Variants in DBF4 observed in about 807,000 individuals in gnomAD.
The protein encoded by DBF4 is DBF4-CDC7 kinase regulatory subunit, also known as protein DBF4 homolog A.
DBF4 carries 25 observed loss-of-function variants against 76.6 expected under a neutral mutation model. That is an observed-to-expected ratio of 0.33 (90% CI 0.24 to 0.46). The LOEUF is 0.46. Among genes scored for constraint, DBF4 ranks in the 20% least tolerant of loss-of-function variants. DBF4 has a pLI of 1.00. For missense variants in DBF4, 638 were observed against 760.8 expected, an observed-to-expected ratio of 0.84 and a Z score of 1.90; for synonymous variants, 213 against 258.0, an observed-to-expected ratio of 0.83 and a Z score of 1.67.
chr7:87,882,558 T>G (rs1363510190), intron 2 of DBF4, among the ~76,000 whole-genome samples: 2 of 152,220 alleles, frequency 1.3e-5, no homozygotes, highest in Non-Finnish European at 2.9e-5. Context: ...CTTTGCAAAT[T>G]GTACATCTGC....
chr7:87,903,201 G>T (rs1242974193), intron 10 of DBF4, among the ~76,000 whole-genome samples: 1 of 152,214 alleles, frequency 6.6e-6, no homozygotes, highest in Non-Finnish European at 1.5e-5. Flanking sequence ...TACTGCCTCA[G>T]CCTCTCTGGT....
chr7:87,892,625 A>G (rs1407103930), intron 6 of DBF4, among the ~76,000 whole-genome samples: 3 of 152,234 alleles, frequency 2.0e-5, no homozygotes, highest in Non-Finnish European at 4.4e-5. Context: ...TGCTTCACAT[A>G]GTAAGACTAG....
chr7:87,893,923 T>G (rs1839560114), intron 6 of DBF4, among the ~76,000 whole-genome samples: 2 of 152,198 alleles, frequency 1.3e-5, no homozygotes, highest in African/African-American at 4.8e-5. Flanking sequence ...TCTGCCAGCT[T>G]TTTAACTCTC....
rs1397125493 is a variant in DBF4, at chr7:87,893,308, C to G, written c.598-3166C>G. Among the ~76,000 whole-genome samples the G allele has an allele frequency of 2.7e-5, 4 of 149,684 alleles. No individual in the cohort carries two copies. In the East Asian group the frequency reaches 7.8e-4, roughly 29 times the overall value. On this transcript the variant is annotated intron_variant, in intron 6 of 11. Coordinates refer to ENST00000265728, the MANE Select transcript of DBF4 (RefSeq NM_006716.4). Reference sequence around the variant, plus strand: ...GGCCGGACTGTGGACTGCAGTGGCGCAATCTCGGCTCACTGCAAGCTCCGC... The same window carrying G: ...GGCCGGACTGTGGACTGCAGTGGCGGAATCTCGGCTCACTGCAAGCTCCGC...
chr7:87,878,886 C>T (rs970757621), intron 2 of DBF4, among the ~76,000 whole-genome samples: 4 of 152,158 alleles, frequency 2.6e-5, no homozygotes, highest in African/African-American at 7.2e-5. Context: ...TGAAGGTCTG[C>T]GTCTTTGAAT....
chr7:87,886,810 C>A, intron 3 of DBF4, 34 bp from the exon 4 acceptor site: 1 of 1,255,900 alleles, frequency 8.0e-7, no homozygotes, highest in Non-Finnish European at 1.2e-6. Context: ...TCCAGTTAAG[C>A]ACTATGTTTT....
intron 6 of DBF4, among the ~76,000 whole-genome samples, chr7:87,894,454 A>G (rs1246568127): frequency 6.6e-6 from 1 of 151,956 alleles, no homozygotes; most frequent in Admixed American, 6.6e-5. Context: ...TGTCTCGGGG[A>G]AAAAAAAGAA....
chr7:87,907,311 A>G lies in DBF4; in HGVS notation c.1173A>G (p.Thr391=), dbSNP rs1226525353. ...SQKDCQEDDT[T]VKEQNFLYKE... ...AAGATTGCCAGGAAGATGATACAAC[A>G]GTGAAGGAGCAGAATTTCCTGTATA... The change falls in exon 12 of 12, where the codon ACA becomes ACG. Residue 391 remains threonine, a synonymous_variant. Transcript: ENST00000265728. 7.4e-6 allele frequency: 12 copies of G among 1,614,094 alleles called. No individual in the cohort carries two copies. The highest frequency in any genetic ancestry group is 9.3e-6 in the Non-Finnish European group (11 of 1,179,956).
Position 87,907,600 on chromosome 7 carries a change from G to T in DBF4, c.1462G>T (p.Ala488Ser). 1 of 1,613,896 alleles carries T rather than the reference G, an allele frequency of 6.2e-7. No homozygotes were observed. Among genetic ancestry groups the T allele is most frequent in the Non-Finnish European group, 8.5e-7 (1 of 1,179,908 alleles). Residue 488 changes from alanine (A) to serine (S), a missense_variant, in exon 12 of 12, where the codon GCA (alanine) becomes TCA (serine). Transcript: ENST00000265728. ...AGATCACTATAAATGTAACATACAGGCATCTGTACATGTTTCTGATTTCAG... is the reference window on the plus strand; with the variant it reads ...AGATCACTATAAATGTAACATACAGTCATCTGTACATGTTTCTGATTTCAG... The part of the protein sequence containing the change: ...RVDHYKCNIQ[A>S]SVHVSDFSTD...
rs1839763247 is a variant in DBF4 at position 87,900,750 on chromosome 7, A to C, written c.810-14A>C. On this transcript the variant is annotated splice_polypyrimidine_tract_variant and intron_variant, in intron 9 of 11. Coordinates refer to ENST00000265728, the MANE Select transcript of DBF4 (RefSeq NM_006716.4). Reference sequence around the variant, plus strand: ...TTCAGCAGTTAATTCTTTACCATGTATGTCTGTCATCAGAATCCAAACAGA... The same window carrying C: ...TTCAGCAGTTAATTCTTTACCATGTCTGTCTGTCATCAGAATCCAAACAGA... The C allele has an allele frequency of 3.1e-6, 5 of 1,598,582 alleles. No homozygotes were observed. The highest frequency in any genetic ancestry group is 1.3e-5 in the African/African-American group (1 of 74,444).
At chr7:87,890,083 A>G (rs1037101309) in intron 6 of DBF4, among the ~76,000 whole-genome samples, 4 of 152,226 alleles carry the variant, frequency 2.6e-5, no homozygotes, top group Non-Finnish European at 4.4e-5. Context: ...GTCTTCATGT[A>G]TATGTGTATA....
At chr7:87,904,598 G>A (rs373584904) in intron 11 of DBF4, among the ~76,000 whole-genome samples, 182 bp downstream of exon 11, 1 of 151,878 alleles carries the variant, frequency 6.6e-6, no homozygotes, top group East Asian at 1.9e-4. Context: ...AAAATTAGCC[G>A]GGTGTGGTGG....
chr7:87,891,728 T>C (rs1320182254), intron 6 of DBF4, among the ~76,000 whole-genome samples: 6 of 152,166 alleles, frequency 3.9e-5, no homozygotes, highest in African/African-American at 1.4e-4. Flanking sequence ...AAACAGCCTT[T>C]AGTGGCATTG....
At chr7:87,882,496 T>G (rs1274033772) in intron 2 of DBF4, among the ~76,000 whole-genome samples, 1 of 152,216 alleles carries the variant, frequency 6.6e-6, no homozygotes, top group Non-Finnish European at 1.5e-5. Context: ...AGAACTTTTG[T>G]GCCTCAAAGG....
chr7:87,889,572 A>C (rs1033126702), intron 6 of DBF4, among the ~76,000 whole-genome samples: 11 of 152,208 alleles, frequency 7.2e-5, no homozygotes, highest in African/African-American at 2.2e-4. Flanking sequence ...AAGCAACCAC[A>C]CCCAGCCCTC....
rs377207959 is a variant in DBF4 at position 87,907,533 on chromosome 7, C to A, written c.1395C>A (p.Ser465=). The A allele has an allele frequency of 1.4e-5, 23 of 1,614,026 alleles. No individual in the cohort carries two copies. The African/African-American group carries it at 2.4e-4, about 17-fold the overall frequency. The change falls in exon 12 of 12, where the codon TCC becomes TCA. Residue 465 remains serine, a synonymous_variant. Transcript: ENST00000265728. ...AACAGGAATGCATTCTTGACATTTC[C>A]GAACACACATTAAGTGAAAATGACT... ...KNKQECILDI[S]EHTLSENDLE...
chr7:87,878,397 C>G, intron 2 of DBF4, 172 bp downstream of exon 2: 1 of 555,124 alleles, frequency 1.8e-6, no homozygotes, highest in South Asian at 2.8e-5. Context: ...CTTTTGTGGA[C>G]TGACAGACCT....
rs540621602 is a variant in DBF4 at position 87,893,315 on chromosome 7, G to A, written c.598-3159G>A. On this transcript the variant is annotated intron_variant, in intron 6 of 11. Transcript: ENST00000265728. ...CTGTGGACTGCAGTGGCGCAATCTC[G>A]GCTCACTGCAAGCTCCGCTTCCCGG... Among the ~76,000 whole-genome samples, 53 of 146,578 alleles carry A rather than the reference G, an allele frequency of 3.6e-4. No homozygotes were observed. The East Asian group carries it at 9.8e-3, about 27-fold the overall frequency.
Position 87,876,688 on chromosome 7 carries a change from G to C in DBF4, c.-45G>C, listed in dbSNP as rs199736835. ...AGCCGTGCTTTCGCGGCTGCCCGGT[G>C]CGACACTTTCTCCGGACCCAGCATG... On this transcript the variant is annotated 5_prime_UTR_variant, in exon 1 of 12. Transcript: ENST00000265728. 1.1e-4 allele frequency: 177 copies of C among 1,611,560 alleles called. No homozygotes were observed. Among genetic ancestry groups the C allele is most frequent in the Middle Eastern group, 1.7e-4 (1 of 5,752 alleles).
Sources: gnomAD v4.1 joint callset for allele counts (sites outside exome capture counted in the v4.1 genomes callset) on GRCh38, gnomAD v4.1.1 for gene constraint, MANE v1.5 for transcripts, NCBI Gene and HGNC (gene_info 2026-07-23, HGNC 2026-07-21) for gene names.